Variants in BFSP2 observed in about 807,000 individuals in gnomAD.
BFSP2 encodes the protein beaded filament structural protein 2, also known as phakinin.
In BFSP2, 38 loss-of-function variants were observed where a neutral mutation model predicts 44.9. The ratio of observed to expected loss-of-function variants is 0.85; its 90% CI spans 0.65 to 1.11. The LOEUF (loss-of-function observed/expected upper bound fraction) is 1.11. Among genes scored for constraint, BFSP2 ranks in the 50% least tolerant of loss-of-function variants. The pLI is 0.00. For synonymous variants in BFSP2, 197 were observed against 209.9 expected, an observed-to-expected ratio of 0.94 and a Z score of 0.53; for missense variants, 525 against 533.0, an observed-to-expected ratio of 0.99 and a Z score of 0.15.
chr3:133,417,765 A>C (rs1408913735), intron 1 of BFSP2, among the ~76,000 whole-genome samples: 21 of 61,254 alleles, frequency 3.4e-4, no homozygotes, highest in Middle Eastern at 0.016. Context: ...CACCTCTGTC[A>C]CCTCTCCTCT....
chr3:133,415,733 T>C (rs80328789), intron 1 of BFSP2, among the ~76,000 whole-genome samples: 49 of 104,738 alleles, frequency 4.7e-4, no homozygotes, highest in South Asian at 1.2e-3. Flanking sequence ...CATCCCTCTA[T>C]GCACCCTGCC....
intron 4 of BFSP2, among the ~76,000 whole-genome samples, chr3:133,463,635 A>G (rs150381938): frequency 1.3e-5 from 2 of 152,242 alleles, no homozygotes; most frequent in African/African-American, 4.8e-5. Flanking sequence ...TAACTCTGCC[A>G]TTTTGCCTTT....
intron 4 of BFSP2, among the ~76,000 whole-genome samples, chr3:133,451,856 C>T (rs879880194): frequency 2.6e-5 from 4 of 152,156 alleles, no homozygotes; most frequent in Non-Finnish European, 4.4e-5. Flanking sequence ...AGGGTTTGTT[C>T]TTCCCTTCTC....
rs573480103 is a variant in BFSP2, at chr3:133,412,026, C to T, written c.489+11454C>T. Among the ~76,000 whole-genome samples, 15 of 152,244 alleles carry T rather than the reference C, an allele frequency of 9.9e-5. No individual in the cohort carries two copies. The East Asian group carries it at 2.9e-3, about 29-fold the overall frequency. On this transcript the variant is annotated intron_variant, in intron 1 of 6. Coordinates refer to ENST00000302334, the MANE Select transcript of BFSP2 (RefSeq NM_003571.4). ...TACGAAAGTATTATTAATTTTTAGA[C>T]GTGATCATCGTTGTGAAGTCATGTG...
intron 1 of BFSP2, chr3:133,412,267 G>A (rs2073462203): frequency 6.6e-6 from 1 of 152,180 alleles, no homozygotes. Context: ...ACTGACATTT[G>A]AAATTTTTGT....
intron 4 of BFSP2, among the ~76,000 whole-genome samples, chr3:133,458,085 T>C (rs539099141): frequency 3.3e-5 from 5 of 152,354 alleles, no homozygotes; most frequent in African/African-American, 1.2e-4. Context: ...ACAAAGATTA[T>C]AACAATTTAC....
chr3:133,410,754 T>C, intron 1 of BFSP2: 2 of 223,480 alleles, frequency 8.9e-6, no homozygotes, highest in Non-Finnish European at 2.0e-5. Flanking sequence ...CAGTAGCCAA[T>C]CCCATGGTGA....
At chr3:133,467,322 G>C (rs116070175) in intron 5 of BFSP2, among the ~76,000 whole-genome samples, 1 of 152,228 alleles carries the variant, frequency 6.6e-6, no homozygotes, top group Non-Finnish European at 1.5e-5. Flanking sequence ...CAGTGACTAA[G>C]AGGGGGCTTT....
At chr3:133,461,113 C>A (rs561710470) in intron 4 of BFSP2, among the ~76,000 whole-genome samples, 67 of 152,260 alleles carry the variant, frequency 4.4e-4, no homozygotes, top group African/African-American at 1.6e-3. Context: ...TGGGTCATTG[C>A]CAAGGGTGTT....
chr3:133,445,230 C>A (rs1283904196), intron 1 of BFSP2, among the ~76,000 whole-genome samples: 2 of 152,162 alleles, frequency 1.3e-5, no homozygotes, highest in Non-Finnish European at 2.9e-5. Flanking sequence ...GGTAGTGAAA[C>A]AAGTTGCTCT....
chr3:133,431,214 G>T (rs953222382), intron 1 of BFSP2, among the ~76,000 whole-genome samples: 4 of 151,970 alleles, frequency 2.6e-5, no homozygotes, highest in Admixed American at 2.6e-4. Context: ...TTAAATTCCG[G>T]CCCTCAAACC....
rs1056496690 is a variant in BFSP2, at chr3:133,475,072, G to A, written c.*100G>A. On this transcript the variant is annotated 3_prime_UTR_variant, in exon 7 of 7. Transcript: ENST00000302334. ...TTCTCCTGAGCTCCAGTCCCTGCTG[G>A]ATTCCCTGGTTAATTCAGCTTGAGC... is the stretch of plus-strand genomic sequence containing the variant. The A allele has an allele frequency of 1.3e-6, 2 of 1,513,740 alleles. No homozygotes were observed. The highest frequency in any genetic ancestry group is 1.8e-6 in the Non-Finnish European group (2 of 1,089,380). 93.8% of individuals were successfully genotyped at this position (1,513,740 alleles called of 1,614,324 possible). A position where few individuals can be genotyped will look rare whatever the true frequency, so the allele number is the denominator to read the frequency against.
intron 1 of BFSP2, among the ~76,000 whole-genome samples, chr3:133,434,450 C>T (rs2073760782): frequency 6.6e-6 from 1 of 152,100 alleles, no homozygotes; most frequent in South Asian, 2.1e-4. Flanking sequence ...CATTCTCTCT[C>T]TCCATACCAC....
Position 133,405,576 on chromosome 3 carries a change from C to T in BFSP2, c.489+5004C>T, listed in dbSNP as rs545474914. On this transcript the variant is annotated intron_variant, in intron 1 of 6. Transcript: ENST00000302334. ...CTTCTCCACTGAGAATAAATAAAGG[C>T]AACAGGGTTTGTTGTTCATGATTTA... Among the ~76,000 whole-genome samples, 4 of 152,166 alleles carry T rather than the reference C, an allele frequency of 2.6e-5. No individual in the cohort carries two copies. In the East Asian group the frequency reaches 7.7e-4, roughly 29 times the overall value.
intron 1 of BFSP2, among the ~76,000 whole-genome samples, chr3:133,404,011 C>G (rs1040561440): frequency 6.6e-6 from 1 of 152,100 alleles, no homozygotes; most frequent in Non-Finnish European, 1.5e-5. Context: ...TCTTCCTCAT[C>G]CTTATATCAC....
chr3:133,431,394 G>A (rs11718134), intron 1 of BFSP2, among the ~76,000 whole-genome samples: 79,270 of 151,844 alleles, frequency 0.52, 23,236 homozygotes, highest in East Asian at 0.74. Flanking sequence ...CCTCCCCCAG[G>A]AGCTTGCTTC....
At chr3:133,439,459 T>C (rs555620999) in intron 1 of BFSP2, among the ~76,000 whole-genome samples, 32 of 152,180 alleles carry the variant, frequency 2.1e-4, no homozygotes, top group Admixed American at 1.7e-3. Flanking sequence ...CACAAATCAG[T>C]GATGGAGAAA....
chr3:133,403,138 G>T (rs2073375705), intron 1 of BFSP2, among the ~76,000 whole-genome samples: 1 of 152,066 alleles, frequency 6.6e-6, no homozygotes, highest in South Asian at 2.1e-4. Flanking sequence ...CCACCTCCCA[G>T]CCCAGTCCTT....
At chr3:133,454,492 C>G (rs965401611) in intron 4 of BFSP2, among the ~76,000 whole-genome samples, 1 of 152,158 alleles carries the variant, frequency 6.6e-6, no homozygotes, top group Non-Finnish European at 1.5e-5. Flanking sequence ...TCAGATCCCA[C>G]AGGTTAAGGG....
Sources: allele counts gnomAD v4.1 joint callset (sites outside exome capture counted in the v4.1 genomes callset), GRCh38; gene constraint gnomAD v4.1.1; transcripts MANE v1.5; gene names NCBI Gene and HGNC (gene_info 2026-07-23, HGNC 2026-07-21).